PCLO: variants seen among roughly 807,000 people sequenced by gnomAD.
PCLO encodes the protein piccolo presynaptic cytomatrix protein.
In PCLO, 82 loss-of-function variants were observed where a neutral mutation model predicts 427.5. The ratio of observed to expected loss-of-function variants is 0.19; its 90% CI spans 0.16 to 0.23. The LOEUF is 0.23. Among genes scored for constraint, PCLO ranks in the 10% least tolerant of loss-of-function variants. The pLI is 1.00. For missense variants in PCLO, 6,239 were observed against 6,115.9 expected, an observed-to-expected ratio of 1.02 and a Z score of -0.67; for synonymous variants, 2,357 against 2,155.4, an observed-to-expected ratio of 1.09 and a Z score of -2.59.
At chr7:83,031,535 TAC>T (rs1788664831) in intron 3 of PCLO, among the ~76,000 whole-genome samples, 1 of 152,118 alleles carries the variant, frequency 6.6e-6, no homozygotes, top group African/African-American at 2.4e-5. Flanking sequence ...AATACCATGT[TAC>T]ACACAAAAAA....
At chr7:82,881,248 C>A (rs1288114842) in intron 9 of PCLO, among the ~76,000 whole-genome samples, 1 of 152,144 alleles carries the variant, frequency 6.6e-6, no homozygotes, top group East Asian at 1.9e-4. Context: ...ACTTCAAAAT[C>A]TATTCATTGG....
chr7:82,925,928 C>G (rs909083165), intron 6 of PCLO, among the ~76,000 whole-genome samples: 1 of 151,262 alleles, frequency 6.6e-6, no homozygotes, highest in Non-Finnish European at 1.5e-5. Context: ...TATGTTGCCC[C>G]GGCTGGTCTC....
At chr7:82,943,669 T>A (rs539916127) in intron 6 of PCLO, among the ~76,000 whole-genome samples, 1 of 152,094 alleles carries the variant, frequency 6.6e-6, no homozygotes, top group Admixed American at 6.6e-5. Context: ...AGGATGTAAA[T>A]CAGTCTCATT....
At chr7:83,010,752 T>C (rs1788057575) in intron 3 of PCLO, among the ~76,000 whole-genome samples, 1 of 151,818 alleles carries the variant, frequency 6.6e-6, no homozygotes, top group African/African-American at 2.4e-5. Flanking sequence ...TCCAAAGCAC[T>C]AATATAATCA....
intron 20 of PCLO, among the ~76,000 whole-genome samples, chr7:82,808,789 G>A (rs572221380): frequency 2.7e-4 from 41 of 151,844 alleles, no homozygotes; most frequent in Non-Finnish European, 3.5e-4. Flanking sequence ...CAAAACATCC[G>A]GTGCTGGATT....
At chr7:82,836,507 C>T (rs557337208) in intron 15 of PCLO, among the ~76,000 whole-genome samples, 18 of 152,176 alleles carry the variant, frequency 1.2e-4, no homozygotes, top group African/African-American at 4.1e-4. Flanking sequence ...TACTATGTGA[C>T]TATTGGTAAT....
At chr7:82,895,004 A>AAACT (rs1793867060) in intron 9 of PCLO, among the ~76,000 whole-genome samples, 3 of 152,064 alleles carry the variant, frequency 2.0e-5, no homozygotes, top group African/African-American at 7.2e-5. Context: ...GTAAAATCAT[A>AAACT]GTCATACTTG....
intron 14 of PCLO, among the ~76,000 whole-genome samples, chr7:82,840,107 G>C (rs1313438763): frequency 6.6e-6 from 1 of 152,012 alleles, no homozygotes; most frequent in Non-Finnish European, 1.5e-5. Context: ...TTTAAAAATA[G>C]TAGGAAAGAG....
At chr7:82,759,074 C>T (rs1421872905) in intron 24 of PCLO, among the ~76,000 whole-genome samples, 2 of 151,808 alleles carry the variant, frequency 1.3e-5, no homozygotes, top group Non-Finnish European at 1.5e-5. Flanking sequence ...TACTAGTTTA[C>T]ACAAATCCAA....
At chr7:82,818,714 A>G (rs545508674) in intron 20 of PCLO, among the ~76,000 whole-genome samples, 25 of 152,330 alleles carry the variant, frequency 1.6e-4, no homozygotes, top group Admixed American at 5.2e-4. Context: ...GTGTGTTCTT[A>G]TATCAGCCAG....
intron 3 of PCLO, among the ~76,000 whole-genome samples, chr7:82,978,191 T>TGA (rs2115752441): frequency 6.7e-6 from 1 of 148,724 alleles, no homozygotes; most frequent in African/African-American, 2.5e-5. Context: ...AAACTCTGTA[T>TGA]GAAACTCAGG....
At chr7:82,940,481 G>A (rs1322866153) in intron 6 of PCLO, among the ~76,000 whole-genome samples, 2 of 152,018 alleles carry the variant, frequency 1.3e-5, no homozygotes, top group African/African-American at 4.8e-5. Context: ...TAGTTAAAAT[G>A]ATATATTAGA....
In PCLO at chr7:83,025,045, G is replaced by A. The variant is rs920201650; in HGVS notation, c.3301-58558C>T. ...AACTGGAAACTCTAAAAAGTAGAGC[G>A]CCTCTCCTCCTCCAAAGGAACGCAG... On this transcript the variant is annotated intron_variant, in intron 3 of 24. Transcript: ENST00000333891. Among the ~76,000 whole-genome samples the A allele has an allele frequency of 1.4e-4, 21 of 152,148 alleles. No individual in the cohort carries two copies. In the South Asian group the frequency reaches 2.1e-3, roughly 15 times the overall value.
chr7:83,060,839 T>C (rs1056322566), intron 3 of PCLO, among the ~76,000 whole-genome samples: 4 of 152,216 alleles, frequency 2.6e-5, no homozygotes, highest in African/African-American at 9.6e-5. Flanking sequence ...AAAAGATTAT[T>C]ACTTTCTGAT....
intron 2 of PCLO, among the ~76,000 whole-genome samples, chr7:83,142,061 T>TCCAGA (rs1408891778): frequency 3.8e-4 from 57 of 150,542 alleles, no homozygotes; most frequent in African/African-American, 1.4e-3. Flanking sequence ...CACACACAAT[T>TCCAGA]CCAGAAAGCA....
At chr7:82,806,844 CTT>C (rs1458114880) in intron 20 of PCLO, among the ~76,000 whole-genome samples, 2 of 152,192 alleles carry the variant, frequency 1.3e-5, no homozygotes, top group Non-Finnish European at 2.9e-5. Context: ...TCTTCTTCCT[CTT>C]GTGATATTAT....
At chr7:82,966,960 C>G (rs1795789967) in intron 3 of PCLO, among the ~76,000 whole-genome samples, 1 of 152,092 alleles carries the variant, frequency 6.6e-6, no homozygotes, top group South Asian at 2.1e-4. Context: ...TCTCCTATCT[C>G]TTGACTTGGG....
intron 3 of PCLO, among the ~76,000 whole-genome samples, chr7:83,097,743 C>T (rs1790630486): frequency 6.6e-6 from 1 of 151,436 alleles, no homozygotes; most frequent in South Asian, 2.1e-4. Context: ...AAATAGAGCA[C>T]TTGCTATTGT....
chr7:82,880,157 GT>G (rs1793469898), intron 9 of PCLO, among the ~76,000 whole-genome samples: 1 of 152,106 alleles, frequency 6.6e-6, no homozygotes, highest in East Asian at 1.9e-4. Flanking sequence ...TAGTTTCTGT[GT>G]TTTTTAAAAA....
Sources: allele counts gnomAD v4.1 joint callset (sites outside exome capture counted in the v4.1 genomes callset), GRCh38; gene constraint gnomAD v4.1.1; transcripts MANE v1.5; gene names NCBI Gene and HGNC (gene_info 2026-07-23, HGNC 2026-07-21).